CCNL1: variants seen among roughly 807,000 people sequenced by gnomAD.
The protein encoded by CCNL1 is cyclin L1, also known as cyclin-L1.
CCNL1 carries 13 observed loss-of-function variants against 60.6 expected under a neutral mutation model. The ratio of observed to expected loss-of-function variants is 0.21; its 90% CI spans 0.14 to 0.34. The LOEUF (loss-of-function observed/expected upper bound fraction) is 0.34, where lower values mean the gene tolerates loss of function less well. CCNL1 is among the 10% of genes least tolerant of loss of function. CCNL1 has a pLI of 1.00. For missense variants in CCNL1, 481 were observed against 664.3 expected, an observed-to-expected ratio of 0.72 and a Z score of 3.03; for synonymous variants, 270 against 244.3, an observed-to-expected ratio of 1.10 and a Z score of -0.98.
chr3:157,152,635 T>A lies in CCNL1; in HGVS notation c.610-394A>T, dbSNP rs1439876678. 3 of 1,069,654 alleles carry A rather than the reference T, an allele frequency of 2.8e-6. No homozygotes were observed. In the African/African-American group the frequency reaches 5.1e-5, roughly 18 times the overall value. 66.3% of individuals were successfully genotyped at this position (1,069,654 alleles called of 1,614,324 possible). On this transcript the variant is annotated intron_variant, in intron 4 of 10. Coordinates refer to ENST00000295926, the MANE Select transcript of CCNL1 (RefSeq NM_020307.4). Reference sequence around the variant, plus strand: ...CTAAGAGATGTTGGGAGAAACAAATTTCCAATAATGGTAACAGTGAGCAGC... The same window carrying A: ...CTAAGAGATGTTGGGAGAAACAAATATCCAATAATGGTAACAGTGAGCAGC...
chr3:157,159,900 C>T lies in CCNL1; in HGVS notation c.195G>A (p.Ser65=), dbSNP rs1391844846. 2.1e-5 allele frequency: 34 copies of T among 1,605,152 alleles called. 1 individual carries two copies. In the Admixed American group the frequency reaches 5.4e-4, roughly 26 times the overall value. The change falls in exon 1 of 11, where the codon TCG becomes TCA. Residue 65 remains serine (S), a synonymous_variant. Transcript: ENST00000295926. ...GCCCATCCTGCATGGATGGGGTGGG[C>T]GAGAGCCTCTCCTCCGGAATCAGAG... ...DHSLIPEERL[S]PTPSMQDGLD... is the part of the protein sequence containing the mutation.
At position 157,160,137 on chromosome 3, in the gene CCNL1, G is replaced by C. The variant is rs775530108; in HGVS notation, c.-43C>G. 1.3e-6 allele frequency: 2 copies of C among 1,521,182 alleles called. No homozygotes were observed. Among genetic ancestry groups the C allele is most frequent in the Admixed American group, 2.0e-5 (1 of 49,896 alleles). 94.2% of individuals were successfully genotyped at this position (1,521,182 alleles called of 1,614,324 possible). A position where few individuals can be genotyped will look rare whatever the true frequency, so the allele number is the denominator to read the frequency against. ...CGCAAGCCCAACGCAGCCGGAACCC[G>C]AAACAAGACTAACCAGCGTTCTCGG... is the stretch of plus-strand genomic sequence containing the variant. On this transcript the variant is annotated 5_prime_UTR_variant, in exon 1 of 11. Coordinates refer to ENST00000295926, the MANE Select transcript of CCNL1 (RefSeq NM_020307.4).
chr3:157,147,327 A>G (rs1445811568), downstream of CCNL1, among the ~76,000 whole-genome samples: 1 of 152,152 alleles, frequency 6.6e-6, no homozygotes, highest in Non-Finnish European at 1.5e-5. Flanking sequence ...TCAAAACTTC[A>G]CTTCTTTGTG....
downstream of CCNL1, among the ~76,000 whole-genome samples, chr3:157,146,819 AT>A (rs1737800286): frequency 1.3e-5 from 2 of 152,188 alleles, no homozygotes; most frequent in South Asian, 4.1e-4. Flanking sequence ...TTAATGAACT[AT>A]CTACCCTCTT....
intron 2 of CCNL1, 198 bp from the exon 3 acceptor site, chr3:157,159,173 T>C: frequency 1.6e-6 from 1 of 630,738 alleles, no homozygotes; most frequent in Admixed American, 2.9e-5. Flanking sequence ...AACTCAATCT[T>C]ACAGGAGTTC....
chr3:157,152,908 T>C, intron 4 of CCNL1, 128 bp downstream of exon 4: 3 of 1,498,300 alleles, frequency 2.0e-6, no homozygotes, highest in Non-Finnish European at 2.6e-6. Flanking sequence ...CGATGAAGCC[T>C]GAACCTTTAA....
chr3:157,159,309 C>A, intron 2 of CCNL1, 96 bp downstream of exon 2: 1 of 1,150,540 alleles, frequency 8.7e-7, no homozygotes, highest in Non-Finnish European at 1.3e-6. Context: ...CTAAACTAAA[C>A]CACTCCCTTT....
At chr3:157,150,501 T>G in intron 5 of CCNL1, 120 bp from the exon 6 acceptor site, 1 of 1,445,570 alleles carries the variant, frequency 6.9e-7, no homozygotes, top group Non-Finnish European at 9.1e-7. Context: ...ATTCACATCC[T>G]CATATTCTAG....
Position 157,147,964 on chromosome 3 carries a change from C to A in CCNL1, c.*277G>T. On this transcript the variant is annotated 3_prime_UTR_variant, in exon 11 of 11. Coordinates refer to ENST00000295926, the MANE Select transcript of CCNL1 (RefSeq NM_020307.4). ...ATAAGATACATTTTTACAGAATTCA[C>A]GCTCCAGTTCTTATAGCAATAAACA... is the stretch of plus-strand genomic sequence containing the variant. The A allele has an allele frequency of 1.8e-6, 2 of 1,138,096 alleles. No individual in the cohort carries two copies. Among genetic ancestry groups the A allele is most frequent in the Non-Finnish European group, 2.2e-6 (2 of 929,022 alleles). The allele number at this position is 1,138,096 out of a possible 1,614,324, so 70.5% of individuals were successfully genotyped here.
At chr3:157,150,994 A>G (rs1401453815) in intron 5 of CCNL1, 1 of 985,284 alleles carries the variant, frequency 1.0e-6, no homozygotes, top group Non-Finnish European at 1.2e-6. Context: ...TATTTCAGTT[A>G]AAAAATTGCT....
In CCNL1 at chr3:157,149,892, G is replaced by A. The variant is rs745451995; in HGVS notation, c.965C>T (p.Pro322Leu). The A allele has an allele frequency of 5.6e-6, 9 of 1,613,906 alleles. No individual in the cohort carries two copies. Among genetic ancestry groups the A allele is most frequent in the East Asian group, 2.2e-5 (1 of 44,890 alleles). Residue 322 changes from proline (P) to leucine (L), a missense_variant, in exon 8 of 11, where the codon CCG (proline) becomes CTG (leucine). This residue lies in a region of CCNL1 where 75 missense variants were observed against 129.6 expected (regional missense o/e 0.58). Transcript: ENST00000295926. ...GGTTGAAAGGGCTGGAGTTCCATCC[G>A]GATTCAATCCCTTTGCTTTTAATTT... ...EAKLKAKGLN[P>L]DGTPALSTLG... is the part of the protein sequence containing the mutation.
Position 157,149,380 on chromosome 3 carries a change from C to G in CCNL1, c.1139G>C (p.Arg380Thr), listed in dbSNP as rs1560195329. Residue 380 changes from arginine (R) to threonine (T), a missense_variant, in exon 10 of 11, where the codon AGA becomes ACA. By Grantham distance (71) the Arg-to-Thr change is moderately conservative (BLOSUM62 -1). This residue lies in a region of CCNL1 where 197 missense variants were observed against 233.9 expected (regional missense o/e 0.84). Transcript: ENST00000295926. ...QASKSPYNGVRKDSKRSRNSR... is the reference protein window; with the variant it reads ...QASKSPYNGVTKDSKRSRNSR... ...ATTTCTACTTCTCTTGCTGTCTTTT[C>G]TTACACTTCAAAAAATCATGACATA... 6.2e-7 allele frequency: 1 copy of G among 1,613,820 alleles called. No homozygotes were observed. The highest frequency in any genetic ancestry group is 1.3e-5 in the African/African-American group (1 of 75,018).
chr3:157,148,470 T>C lies in CCNL1; in HGVS notation c.1352A>G (p.Lys451Arg), dbSNP rs1365152701. ...ACTTTTTAAATCATCTCTGGTATGC[T>C]TGGCCTTAAGGTGAGGAGAACCATG... is the stretch of plus-strand genomic sequence containing the variant. ...HNHGSPHLKA[K>R]HTRDDLKSSN... Residue 451 changes from lysine to arginine, a missense_variant, in exon 11 of 11, where the codon AAG (lysine) becomes AGG (arginine). Around this residue, in one of 5 missense-constraint regions of CCNL1, gnomAD observed 197 missense variants for 233.9 expected, o/e 0.84. Coordinates refer to ENST00000295926, the MANE Select transcript of CCNL1 (RefSeq NM_020307.4). 1.2e-6 allele frequency: 2 copies of C among 1,614,082 alleles called. No individual in the cohort carries two copies. Among genetic ancestry groups the C allele is most frequent in the African/African-American group, 1.3e-5 (1 of 74,924 alleles).
chr3:157,153,359 GAACT>G (rs1738343697), intron 3 of CCNL1: 1 of 448,728 alleles, frequency 2.2e-6, no homozygotes, highest in African/African-American at 2.0e-5. Flanking sequence ...GTTCCTAAAG[GAACT>G]AACAATTCTG....
At chr3:157,150,470 C>CT in intron 5 of CCNL1, 89 bp from the exon 6 acceptor site, 4 of 1,495,938 alleles carry the variant, frequency 2.7e-6, no homozygotes, top group Non-Finnish European at 3.6e-6. Context: ...CTACTTTATT[C>CT]TTTTTTCTTC....
At chr3:157,147,416 A>G (rs952096597), downstream of CCNL1, 8 of 222,004 alleles carry the variant, frequency 3.6e-5, no homozygotes, top group African/African-American at 1.6e-4. Flanking sequence ...CGTAACATTA[A>G]ATGCCTAAAT....
Position 157,147,819 on chromosome 3 carries a change from T to C in CCNL1, c.*422A>G, listed in dbSNP as rs1737848970. 2 of 986,408 alleles carry C rather than the reference T, an allele frequency of 2.0e-6. No homozygotes were observed. Among genetic ancestry groups the C allele is most frequent in the Non-Finnish European group, 2.4e-6 (2 of 830,106 alleles). 61.1% of individuals were successfully genotyped at this position (986,408 alleles called of 1,614,324 possible). Reference sequence around the variant, plus strand: ...AGTTTAGAAAAAACAAGATTTGTATTTTATTTCCTTGTAAAAATCTTTACA... The same window carrying C: ...AGTTTAGAAAAAACAAGATTTGTATCTTATTTCCTTGTAAAAATCTTTACA... On this transcript the variant is annotated 3_prime_UTR_variant, in exon 11 of 11. Transcript: ENST00000295926.
At chr3:157,143,802 A>C (rs150408690), downstream of CCNL1, among the ~76,000 whole-genome samples, 657 of 152,286 alleles carry the variant, frequency 4.3e-3, 4 homozygotes, top group Non-Finnish European at 7.1e-3. Flanking sequence ...GGATGGCAAT[A>C]AAGGCTCAGG....
At chr3:157,151,217 G>A (rs1738165212) in intron 5 of CCNL1, 1 of 985,332 alleles carries the variant, frequency 1.0e-6, no homozygotes, top group Non-Finnish European at 1.2e-6. Context: ...AATATTTACT[G>A]AGTCCAAAAG....
Sources: allele counts gnomAD v4.1 joint callset (sites outside exome capture counted in the v4.1 genomes callset), GRCh38; gene constraint gnomAD v4.1.1; regional missense constraint gnomAD v4.1.1; transcripts MANE v1.5; gene names NCBI Gene and HGNC (gene_info 2026-07-23, HGNC 2026-07-21).